MAP3K21: variants seen among roughly 807,000 people sequenced by gnomAD.
MAP3K21 encodes the protein mitogen-activated protein kinase kinase kinase MLK4.
A neutral mutation model predicts 86.1 loss-of-function variants in MAP3K21; 63 were observed. The observed-to-expected ratio is 0.73, with a 90% CI of 0.60 to 0.90. The LOEUF (loss-of-function observed/expected upper bound fraction) is 0.90, where lower values mean the gene tolerates loss of function less well. MAP3K21 is among the 40% of genes least tolerant of loss of function. MAP3K21 has a pLI of 0.00. For missense variants in MAP3K21, 1,220 were observed against 1,367.7 expected (o/e 0.89, Z 1.70); for synonymous variants, 558 against 564.8 (o/e 0.99, Z 0.17).
At chr1:233,356,291 A>G (rs1035913623) in intron 4 of MAP3K21, among the ~76,000 whole-genome samples, 4 of 152,184 alleles carry the variant, frequency 2.6e-5, no homozygotes, top group African/African-American at 7.2e-5. Context: ...CTGCTAGATA[A>G]TAAGTTCATG....
intron 5 of MAP3K21, among the ~76,000 whole-genome samples, chr1:233,365,635 G>A (rs549778142): frequency 6.6e-6 from 1 of 152,308 alleles, no homozygotes; most frequent in African/African-American, 2.4e-5. Context: ...AAATGTTGGT[G>A]AGGATGTGGA....
intron 6 of MAP3K21, 185 bp downstream of exon 6, chr1:233,372,345 C>T: frequency 1.5e-6 from 1 of 648,988 alleles, no homozygotes; most frequent in Non-Finnish European, 2.4e-6. Context: ...TTTTCTTCTA[C>T]TCACAAAAAA....
At chr1:233,376,741 T>A (rs1315735248) in intron 8 of MAP3K21, among the ~76,000 whole-genome samples, 1 of 152,202 alleles carries the variant, frequency 6.6e-6, no homozygotes, top group Non-Finnish European at 1.5e-5. Context: ...TTTTGGGAAT[T>A]TGTAACTCTT....
intron 4 of MAP3K21, among the ~76,000 whole-genome samples, chr1:233,360,724 A>C (rs1297015096): frequency 6.6e-6 from 1 of 152,192 alleles, no homozygotes; most frequent in Non-Finnish European, 1.5e-5. Context: ...CGTCTGTAAA[A>C]AGTCCAAGTA....
Position 233,328,652 on chromosome 1 carries a change from C to T in MAP3K21, c.624C>T (p.Leu208=). The change falls in exon 1 of 10, where the codon CTC becomes CTT. Residue 208 remains leucine (L), a synonymous_variant. Coordinates refer to ENST00000366624, the MANE Select transcript of MAP3K21 (RefSeq NM_032435.3). This position sits in a 1 kb window ranked among gnomAD's most constrained non-coding sequence, Gnocchi z 8.7. The part of the protein sequence containing the change: ...LVLEFARGGA[L]NRALAAANAA... ...TGGAGTTCGCCCGCGGCGGAGCGCT[C>T]AACCGAGCGCTGGCCGCTGCCAACG... 5.1e-6 allele frequency: 7 copies of T among 1,370,168 alleles called. No individual in the cohort carries two copies. The highest frequency in any genetic ancestry group is 6.6e-6 in the Non-Finnish European group (7 of 1,062,872). The allele number at this position is 1,370,168 out of a possible 1,614,324, so 84.9% of individuals were successfully genotyped here.
intron 2 of MAP3K21, among the ~76,000 whole-genome samples, chr1:233,351,478 G>A (rs1384728531): frequency 6.6e-6 from 1 of 152,088 alleles, no homozygotes; most frequent in African/African-American, 2.4e-5. Flanking sequence ...GGATCACAAG[G>A]TCAGGAGTTG....
intron 4 of MAP3K21, among the ~76,000 whole-genome samples, chr1:233,355,619 T>C (rs947015113): frequency 1.3e-5 from 2 of 152,178 alleles, no homozygotes; most frequent in African/African-American, 4.8e-5. Context: ...TATAATCTCT[T>C]GAAGCCAGAC....
intron 5 of MAP3K21, among the ~76,000 whole-genome samples, chr1:233,363,417 T>C (rs1458407089): frequency 6.6e-6 from 1 of 152,192 alleles, no homozygotes; most frequent in Non-Finnish European, 1.5e-5. Flanking sequence ...TAGTATGACA[T>C]CTGGGTGCAG....
intron 1 of MAP3K21, among the ~76,000 whole-genome samples, chr1:233,334,414 G>T (rs1207552592): frequency 1.3e-5 from 2 of 152,108 alleles, no homozygotes; most frequent in East Asian, 3.8e-4. Context: ...GAGACTGATT[G>T]TCTTGATTTC....
intron 3 of MAP3K21, among the ~76,000 whole-genome samples, chr1:233,354,521 A>G (rs1314008453): frequency 2.0e-5 from 3 of 152,162 alleles, no homozygotes; most frequent in Non-Finnish European, 2.9e-5. Context: ...TGGTGGCTTA[A>G]CCCCCTGAAA....
rs1663476053 is a variant in MAP3K21, at chr1:233,362,086, G to GTTCC, written c.1345_1346insTTCC (p.Ala449ValfsTer17). 1 of 1,612,996 alleles carries GTTCC rather than the reference G, an allele frequency of 6.2e-7. No individual in the cohort carries two copies. Among genetic ancestry groups the GTTCC allele is most frequent in the Non-Finnish European group, 8.5e-7 (1 of 1,179,570 alleles). On this transcript the variant is annotated frameshift_variant, in exon 5 of 10. Coordinates refer to ENST00000366624, the MANE Select transcript of MAP3K21 (RefSeq NM_032435.3). LOFTEE classifies it high-confidence loss of function. ...ATCCCGGGAAGAGGAGCTGACTCGG[G>GTTCC]CGGCTCTGCAGCAGAAGTCTCAGGA...
Position 233,328,940 on chromosome 1 carries a change from C to A in MAP3K21, c.805+107C>A. Reference sequence around the variant, plus strand: ...AAAGAGGTGGGAGTCAGCCTTAGGGCGCCAGCAGCAACTCATGCCCAGGCC... The same window carrying A: ...AAAGAGGTGGGAGTCAGCCTTAGGGAGCCAGCAGCAACTCATGCCCAGGCC... On this transcript the variant is annotated intron_variant, in intron 1 of 9. Transcript: ENST00000366624. This position sits in a 1 kb window ranked among gnomAD's most constrained non-coding sequence, Gnocchi z 8.7. 1.8e-6 allele frequency: 2 copies of A among 1,142,668 alleles called. No individual in the cohort carries two copies. The highest frequency in any genetic ancestry group is 2.2e-6 in the Non-Finnish European group (2 of 901,404). The allele number at this position is 1,142,668 out of a possible 1,614,324, so 70.8% of individuals were successfully genotyped here. A position where few individuals can be genotyped will look rare whatever the true frequency, so the allele number is the denominator to read the frequency against.
chr1:233,358,040 G>A (rs763859021), intron 4 of MAP3K21, among the ~76,000 whole-genome samples: 4 of 151,774 alleles, frequency 2.6e-5, no homozygotes, highest in Admixed American at 1.3e-4. Flanking sequence ...GTTGGCATTC[G>A]GGCTCTTGTG....
intron 7 of MAP3K21, 27 bp from the exon 8 acceptor site, chr1:233,376,403 A>C (rs1198785613): frequency 6.6e-7 from 1 of 1,519,296 alleles, no homozygotes; most frequent in East Asian, 2.3e-5. Flanking sequence ...CTTCTATCTT[A>C]TGAAAAGAAA....
At chr1:233,377,336 A>G (rs1419910202) in intron 8 of MAP3K21, among the ~76,000 whole-genome samples, 2 of 152,194 alleles carry the variant, frequency 1.3e-5, no homozygotes, top group East Asian at 1.9e-4. Flanking sequence ...ACTCTTTGGT[A>G]CTTTGATCAA....
intron 1 of MAP3K21, among the ~76,000 whole-genome samples, chr1:233,337,081 T>G (rs1662931480): frequency 6.6e-6 from 1 of 152,174 alleles, no homozygotes; most frequent in South Asian, 2.1e-4. Flanking sequence ...TAGGGTGACG[T>G]GAGGATTAAG....
intron 2 of MAP3K21, among the ~76,000 whole-genome samples, chr1:233,353,463 A>G (rs1010405612): frequency 6.6e-6 from 1 of 152,218 alleles, no homozygotes; most frequent in African/African-American, 2.4e-5. Context: ...TGAGATAGAA[A>G]GAGAAACAGA....
chr1:233,382,985 T>A lies in MAP3K21; in HGVS notation c.*274T>A. ...GAAAACTATGCTGGGTCGAATTACC[T>A]TCAGCACAATGTTAATGTTTTTGTT... On this transcript the variant is annotated 3_prime_UTR_variant, in exon 10 of 10. Coordinates refer to ENST00000366624, the MANE Select transcript of MAP3K21 (RefSeq NM_032435.3). 3.4e-6 allele frequency: 1 copy of A among 293,384 alleles called. No individual in the cohort carries two copies. 18.2% of individuals were successfully genotyped at this position (293,384 alleles called of 1,614,324 possible).
At position 233,328,684 on chromosome 1, in the gene MAP3K21, C is replaced by G. The variant is rs1313958823; in HGVS notation, c.656C>G (p.Pro219Arg). 1.6e-5 allele frequency: 21 copies of G among 1,353,506 alleles called. No homozygotes were observed. The highest frequency in any genetic ancestry group is 1.0e-4 in the Admixed American group (3 of 28,972). 83.8% of individuals were successfully genotyped at this position (1,353,506 alleles called of 1,614,324 possible). Residue 219 changes from proline to arginine, a missense_variant, in exon 1 of 10, where the codon CCG (proline) becomes CGG (arginine). Pro to Arg is a moderately radical substitution (Grantham distance 103). Transcript: ENST00000366624. The surrounding 1 kb of genome is among the most constrained non-coding windows in gnomAD (Gnocchi z 8.7). ...GCGCTGGCCGCTGCCAACGCCGCCCCGGACCCGCGCGCGCCCGGCCCCCGC... is the reference window on the plus strand; with the variant it reads ...GCGCTGGCCGCTGCCAACGCCGCCCGGGACCCGCGCGCGCCCGGCCCCCGC... ...NRALAAANAA[P>R]DPRAPGPRRA... is the part of the protein sequence containing the mutation.
Sources: allele counts gnomAD v4.1 joint callset (sites outside exome capture counted in the v4.1 genomes callset), GRCh38; gene constraint gnomAD v4.1.1; non-coding constraint Gnocchi (gnomAD v3.1); transcripts MANE v1.5; gene names NCBI Gene and HGNC (gene_info 2026-07-23, HGNC 2026-07-21).